Variants in ME1 observed in about 807,000 individuals in gnomAD.
ME1 encodes the protein NADP-dependent malic enzyme.
A neutral mutation model predicts 66.4 loss-of-function variants in ME1; 74 were observed. The ratio of observed to expected loss-of-function variants is 1.11; its 90% CI spans 0.92 to 1.35. The LOEUF (loss-of-function observed/expected upper bound fraction) is 1.35. Among genes scored for constraint, ME1 ranks in the 40% most tolerant of loss-of-function variants. The probability of loss-of-function intolerance (pLI) is 0.00; values close to 1 mark genes in which losing one functional copy is unlikely to be tolerated. For missense variants in ME1, 750 were observed against 694.1 expected (o/e 1.08, Z -0.90); for synonymous variants, 251 against 235.6 (o/e 1.07, Z -0.60).
chr6:83,328,617 C>T (rs1457194343), intron 5 of ME1, among the ~76,000 whole-genome samples: 1 of 152,108 alleles, frequency 6.6e-6, no homozygotes, highest in Admixed American at 6.5e-5. Flanking sequence ...AATTTAACAA[C>T]ATTATTCAGT....
At chr6:83,327,438 A>T (rs1768318013) in intron 5 of ME1, among the ~76,000 whole-genome samples, 1 of 152,176 alleles carries the variant, frequency 6.6e-6, no homozygotes, top group African/African-American at 2.4e-5. Flanking sequence ...ATGCGCACCT[A>T]GGGGTAGGTC....
intron 2 of ME1, among the ~76,000 whole-genome samples, chr6:83,405,140 A>G (rs1769914669): frequency 6.6e-6 from 1 of 152,204 alleles, no homozygotes; most frequent in African/African-American, 2.4e-5. Context: ...ATCCATGAGC[A>G]TGAAATGTTC....
chr6:83,373,804 C>T (rs1172436328), intron 3 of ME1, among the ~76,000 whole-genome samples: 1 of 152,126 alleles, frequency 6.6e-6, no homozygotes, highest in African/African-American at 2.4e-5. Context: ...GTTCCCCTCC[C>T]TGTGTCCATG....
intron 10 of ME1, 67 bp from the exon 11 acceptor site, chr6:83,227,544 C>G: frequency 5.3e-6 from 7 of 1,313,462 alleles, no homozygotes; most frequent in Admixed American, 2.2e-5. Flanking sequence ...AAGACCATGC[C>G]TCAAATCAAT....
At position 83,348,984 on chromosome 6, in the gene ME1, C is replaced by CAAAAAAA. The variant is rs71545855; in HGVS notation, c.439-2657_439-2651dup. ...GGGCAACAAGAGCAAAACTCTGTCT[C>CAAAAAAA]AAAAAAAAAAAAAAAAACAAAAAAC... On this transcript the variant is annotated intron_variant, in intron 4 of 13. Transcript: ENST00000369705. Among the ~76,000 whole-genome samples the CAAAAAAA allele has an allele frequency of 2.2e-3, 101 of 46,676 alleles. 2 individuals carry two copies. Among genetic ancestry groups the CAAAAAAA allele is most frequent in the African/African-American group, 5.8e-3 (72 of 12,494 alleles). The allele number at this position is 46,676 out of a possible 152,430, so 30.6% of individuals were successfully genotyped here.
chr6:83,393,083 G>T, intron 3 of ME1: 2 of 1,454,562 alleles, frequency 1.4e-6, no homozygotes, highest in Non-Finnish European at 1.9e-6. Flanking sequence ...TAAACGGGAA[G>T]CTCACTGGCA....
intron 10 of ME1, 30 bp downstream of exon 10, chr6:83,228,796 A>G: frequency 7.3e-7 from 1 of 1,379,018 alleles, no homozygotes; most frequent in Non-Finnish European, 1.0e-6. Flanking sequence ...AATAAGGGGT[A>G]GGGGAGAAGG....
intron 3 of ME1, 115 bp downstream of exon 3, chr6:83,398,252 A>AT: frequency 4.1e-6 from 3 of 724,440 alleles, no homozygotes; most frequent in Admixed American, 3.6e-5. Flanking sequence ...TACATCATAA[A>AT]TATATGCAAT....
intron 2 of ME1, among the ~76,000 whole-genome samples, chr6:83,400,055 A>G (rs1465277613): frequency 6.6e-6 from 1 of 152,134 alleles, no homozygotes; most frequent in East Asian, 1.9e-4. Flanking sequence ...ATTGACTTCC[A>G]ATCTATCATA....
chr6:83,228,799 G>A (rs774415675), intron 10 of ME1, 27 bp downstream of exon 10: 1 of 1,426,646 alleles, frequency 7.0e-7, no homozygotes, highest in South Asian at 1.2e-5. Context: ...AAGGGGTAGG[G>A]GAGAAGGGAG....
chr6:83,393,077 C>T lies in ME1; in HGVS notation c.362+5290G>A, dbSNP rs1166723897. 23 of 1,447,062 alleles carry T rather than the reference C, an allele frequency of 1.6e-5. 1 individual carries two copies. Among genetic ancestry groups the T allele is most frequent in the South Asian group, 9.6e-5 (8 of 83,608 alleles). The allele number at this position is 1,447,062 out of a possible 1,614,324, so 89.6% of individuals were successfully genotyped here. ...TGAGGAAGGTCATCCCTGAGCTAAA[C>T]GGGAAGCTCACTGGCATGGCCTTCC... On this transcript the variant is annotated intron_variant, in intron 3 of 13. Transcript: ENST00000369705.
At chr6:83,216,214 A>G (rs909314386) in intron 13 of ME1, among the ~76,000 whole-genome samples, 5 of 152,232 alleles carry the variant, frequency 3.3e-5, no homozygotes, top group Non-Finnish European at 7.3e-5. Context: ...GAAATGGGAG[A>G]AATCTGGCTG....
chr6:83,330,716 G>C (rs560558887), intron 5 of ME1, among the ~76,000 whole-genome samples: 104 of 152,076 alleles, frequency 6.8e-4, no homozygotes, highest in Non-Finnish European at 1.3e-3. Context: ...GCTAGTTATA[G>C]TGTGCATAAA....
intron 6 of ME1, among the ~76,000 whole-genome samples, chr6:83,258,675 A>T (rs565053107): frequency 5.9e-5 from 9 of 152,300 alleles, no homozygotes; most frequent in Admixed American, 3.9e-4. Flanking sequence ...TATGCTTCAT[A>T]CTTTACAGGG....
At chr6:83,324,565 A>G (rs1768246493) in intron 5 of ME1, among the ~76,000 whole-genome samples, 2 of 152,012 alleles carry the variant, frequency 1.3e-5, no homozygotes, top group Admixed American at 1.3e-4. Context: ...ACCTCTACAA[A>G]TAAACTAGTA....
At chr6:83,408,050 T>C (rs1376556026) in intron 1 of ME1, 149 bp from the exon 2 acceptor site, 15 of 792,430 alleles carry the variant, frequency 1.9e-5, no homozygotes, top group Non-Finnish European at 2.4e-5. Flanking sequence ...GAGTAAACCA[T>C]GTAAGCTCTC....
intron 3 of ME1, chr6:83,392,852 T>G (rs571203207): frequency 1.3e-6 from 1 of 765,678 alleles, no homozygotes; most frequent in East Asian, 2.6e-5. Flanking sequence ...AGCTCAAGAT[T>G]ATCAGCAATG....
intron 6 of ME1, among the ~76,000 whole-genome samples, chr6:83,266,946 A>G (rs1181901108): frequency 6.6e-6 from 1 of 152,168 alleles, no homozygotes; most frequent in African/African-American, 2.4e-5. Context: ...ATGACTCTGG[A>G]ACTTTTTTTG....
At chr6:83,216,422 T>C in intron 13 of ME1, 76 bp downstream of exon 13, 1 of 1,049,278 alleles carries the variant, frequency 9.5e-7, no homozygotes, top group African/African-American at 1.6e-5. Flanking sequence ...AGGAAGCAGA[T>C]TTTTAATATT....
Sources: allele counts gnomAD v4.1 joint callset (sites outside exome capture counted in the v4.1 genomes callset), GRCh38; gene constraint gnomAD v4.1.1; transcripts MANE v1.5; gene names NCBI Gene and HGNC (gene_info 2026-07-23, HGNC 2026-07-21).